CSNK2A2IP: variants seen among roughly 807,000 people sequenced by gnomAD.
The protein encoded by CSNK2A2IP is casein kinase II subunit alpha'-interacting protein.
At chr3:88,370,593 T>C in the CSNK2A2IP span, among the ~76,000 whole-genome samples, 6 of 131,958 alleles carry the variant, frequency 4.5e-5, no homozygotes, top group African/African-American at 1.5e-4. Flanking sequence ...TCTCTCTTTC[T>C]TTCTTTCTCT....
chr3:88,441,707 C>T, the CSNK2A2IP span, among the ~76,000 whole-genome samples: 1 of 152,078 alleles, frequency 6.6e-6, no homozygotes, highest in African/African-American at 2.4e-5. Context: ...CATGCCATTT[C>T]TAGATATAAT....
the CSNK2A2IP span, chr3:88,465,387 C>CT: frequency 8.1e-7 from 1 of 1,231,618 alleles, no homozygotes; most frequent in East Asian, 3.2e-5. Context: ...ATGGTCAACA[C>CT]TTTGTGCCAT....
At chr3:88,412,335 C>T in the CSNK2A2IP span, among the ~76,000 whole-genome samples, 1 of 151,962 alleles carries the variant, frequency 6.6e-6, no homozygotes, top group African/African-American at 2.4e-5. Flanking sequence ...GAAAGGCCTT[C>T]TACTAAATTC....
the CSNK2A2IP span, among the ~76,000 whole-genome samples, chr3:88,370,297 T>A: frequency 4.9e-4 from 75 of 151,944 alleles, no homozygotes; most frequent in Admixed American, 1.6e-3. Context: ...AAGGAAAAAT[T>A]AGAAACATTA....
the CSNK2A2IP span, among the ~76,000 whole-genome samples, chr3:88,420,531 A>G: frequency 1.3e-5 from 2 of 152,146 alleles, no homozygotes; most frequent in Non-Finnish European, 2.9e-5. Flanking sequence ...ATAATAAGCT[A>G]TATTTTTGTT....
At chr3:88,375,420 A>G in the CSNK2A2IP span, among the ~76,000 whole-genome samples, 3 of 151,736 alleles carry the variant, frequency 2.0e-5, no homozygotes. Flanking sequence ...AAGCTATATT[A>G]GTATTTTAGA....
chr3:88,448,944 C>G, the CSNK2A2IP span, among the ~76,000 whole-genome samples: 1 of 152,226 alleles, frequency 6.6e-6, no homozygotes, highest in African/African-American at 2.4e-5. Context: ...TGGTCTTTCT[C>G]CTCCTTTGAC....
chr3:88,455,322 A>G, the CSNK2A2IP span, among the ~76,000 whole-genome samples: 3 of 151,884 alleles, frequency 2.0e-5, no homozygotes, highest in Non-Finnish European at 3.0e-5. Context: ...GTACCAATTT[A>G]TATACATACC....
At chr3:88,446,032 T>TCTC in the CSNK2A2IP span, among the ~76,000 whole-genome samples, 1 of 5,810 alleles carries the variant, frequency 1.7e-4, no homozygotes, top group East Asian at 2.8e-3. Flanking sequence ...TTTGTTTCTT[T>TCTC]TCTTTCTTTC....
chr3:88,459,095 T>C, the CSNK2A2IP span, among the ~76,000 whole-genome samples: 1 of 152,172 alleles, frequency 6.6e-6, no homozygotes, highest in African/African-American at 2.4e-5. Flanking sequence ...AAGTTTTCTA[T>C]TTATTAGGAA....
chr3:88,351,337 A>T, the CSNK2A2IP span, among the ~76,000 whole-genome samples: 1 of 152,258 alleles, frequency 6.6e-6, no homozygotes, highest in South Asian at 2.1e-4. Flanking sequence ...TGTTAGATAA[A>T]TACATCTGTT....
chr3:88,446,114 CT>C, the CSNK2A2IP span, among the ~76,000 whole-genome samples: 3 of 89,612 alleles, frequency 3.3e-5, no homozygotes, highest in African/African-American at 1.4e-4. Flanking sequence ...TTCTTTCTTT[CT>C]TTTTTTTCTT....
At chr3:88,358,702 T>C in the CSNK2A2IP span, among the ~76,000 whole-genome samples, 1 of 152,198 alleles carries the variant, frequency 6.6e-6, no homozygotes, top group Non-Finnish European at 1.5e-5. Context: ...TTGATGATAA[T>C]GAATCTTTTT....
the CSNK2A2IP span, among the ~76,000 whole-genome samples, chr3:88,344,347 T>A: frequency 2.6e-5 from 4 of 151,936 alleles, no homozygotes; most frequent in Non-Finnish European, 4.4e-5. Flanking sequence ...TTTTATTTCC[T>A]CCATATGTTG....
chr3:88,363,876 C>T, the CSNK2A2IP span, among the ~76,000 whole-genome samples: 1 of 152,180 alleles, frequency 6.6e-6, no homozygotes, highest in East Asian at 1.9e-4. Context: ...GGCATGCTTC[C>T]TAACCCTGTG....
chr3:88,340,235 A>G, the CSNK2A2IP span, among the ~76,000 whole-genome samples: 1 of 151,842 alleles, frequency 6.6e-6, no homozygotes, highest in Non-Finnish European at 1.5e-5. Context: ...ATTGCCTGCC[A>G]TGAGGTAGTA....
At chr3:88,352,490 C>T in the CSNK2A2IP span, among the ~76,000 whole-genome samples, 3 of 151,896 alleles carry the variant, frequency 2.0e-5, no homozygotes, top group Admixed American at 2.0e-4. Flanking sequence ...GTTTAATTCT[C>T]AATACAAGCA....
chr3:88,445,864 G>T, the CSNK2A2IP span, among the ~76,000 whole-genome samples: 1 of 151,886 alleles, frequency 6.6e-6, no homozygotes, highest in Admixed American at 6.6e-5. Flanking sequence ...TTACAATCTT[G>T]TTCATTTTAA....
At chr3:88,418,276 C>A in the CSNK2A2IP span, among the ~76,000 whole-genome samples, 1 of 151,924 alleles carries the variant, frequency 6.6e-6, no homozygotes, top group African/African-American at 2.4e-5. Context: ...TAAAAGTTTT[C>A]TTTTTTTAAA....
Sources: allele counts gnomAD v4.1 joint callset (sites outside exome capture counted in the v4.1 genomes callset), GRCh38; gene constraint gnomAD v4.1.1; transcripts MANE v1.5; gene names NCBI Gene and HGNC (gene_info 2026-07-23, HGNC 2026-07-21).